Variants in LRIF1 observed in about 807,000 individuals in gnomAD.
LRIF1 encodes the protein ligand-dependent nuclear receptor-interacting factor 1.
A neutral mutation model predicts 52.7 loss-of-function variants in LRIF1; 32 were observed. The ratio of observed to expected loss-of-function variants is 0.61; its 90% CI spans 0.46 to 0.82. The LOEUF is 0.82. Among genes scored for constraint, LRIF1 ranks in the 40% least tolerant of loss-of-function variants. The pLI is 0.00. For missense variants in LRIF1, 887 were observed against 892.0 expected (o/e 0.99, Z 0.07); for synonymous variants, 323 against 317.4 (o/e 1.02, Z -0.19).
the LRIF1 span, among the ~76,000 whole-genome samples, chr1:110,921,673 A>G: frequency 6.6e-6 from 1 of 152,224 alleles, no homozygotes; most frequent in Non-Finnish European, 1.5e-5. Flanking sequence ...TGACAGAACC[A>G]TAGAGAGAAA....
At chr1:110,953,164 G>C (rs1658554931) in intron 1 of LRIF1, among the ~76,000 whole-genome samples, 1 of 151,642 alleles carries the variant, frequency 6.6e-6, no homozygotes, top group Admixed American at 6.6e-5. Flanking sequence ...CCTTCCTCTT[G>C]TCCTCCTCCT....
chr1:110,935,098 A>G, the LRIF1 span, among the ~76,000 whole-genome samples: 1 of 152,248 alleles, frequency 6.6e-6, no homozygotes, highest in Non-Finnish European at 1.5e-5. Flanking sequence ...CAGTACCTCT[A>G]TGAGTCTGCA....
the LRIF1 span, chr1:110,897,843 C>T: frequency 6.2e-7 from 1 of 1,612,376 alleles, no homozygotes; most frequent in Non-Finnish European, 8.5e-7. Context: ...TGGTTTCATT[C>T]CAATTTCCTG....
At chr1:110,929,830 G>A in the LRIF1 span, among the ~76,000 whole-genome samples, 3 of 152,106 alleles carry the variant, frequency 2.0e-5, no homozygotes, top group African/African-American at 7.2e-5. Flanking sequence ...TGGAAACAAA[G>A]AGGAAACAAC....
At chr1:110,960,749 C>T (rs1212235904) in intron 1 of LRIF1, among the ~76,000 whole-genome samples, 4 of 152,132 alleles carry the variant, frequency 2.6e-5, no homozygotes, top group Admixed American at 2.0e-4. Context: ...TTAACGAAGT[C>T]GGTCTATTTT....
the LRIF1 span, among the ~76,000 whole-genome samples, chr1:110,897,281 G>A: frequency 6.6e-6 from 1 of 152,194 alleles, no homozygotes; most frequent in South Asian, 2.1e-4. Context: ...CAACTAGACC[G>A]AATCCCTGAG....
rs1431990160 is a variant in LRIF1, at chr1:110,959,756, AAAG to A, written c.68+3862_68+3864del. On this transcript the variant is annotated intron_variant, in intron 1 of 3. Coordinates refer to ENST00000369763, the MANE Select transcript of LRIF1 (RefSeq NM_018372.4). ...CATCTCAAAAAAAAAAAAAAAAAAA[AAAG>A]AATGAGAAATTTAATAAAAAGGCAC... is the stretch of plus-strand genomic sequence containing the variant. Among the ~76,000 whole-genome samples, 411 of 151,248 alleles carry A rather than the reference AAAG, an allele frequency of 2.7e-3. 6 individuals carry two copies. Among genetic ancestry groups the A allele is most frequent in the Admixed American group, 0.024 (352 of 14,934 alleles).
At chr1:110,894,013 C>T in the LRIF1 span, among the ~76,000 whole-genome samples, 62 of 152,294 alleles carry the variant, frequency 4.1e-4, no homozygotes, top group African/African-American at 1.5e-3. Flanking sequence ...TTTTGCTTAA[C>T]TGCTTCAATA....
the LRIF1 span, among the ~76,000 whole-genome samples, chr1:110,898,922 T>C: frequency 1.3e-5 from 2 of 152,182 alleles, no homozygotes; most frequent in Non-Finnish European, 2.9e-5. Context: ...GCCTGTTATC[T>C]TGTCATCATT....
the LRIF1 span, among the ~76,000 whole-genome samples, chr1:110,934,839 T>G: frequency 6.6e-6 from 1 of 152,122 alleles, no homozygotes; most frequent in Non-Finnish European, 1.5e-5. Flanking sequence ...CCCAGGGCCT[T>G]AAGTGAACAT....
chr1:110,894,865 C>T, the LRIF1 span: 1,395 of 896,536 alleles, frequency 1.6e-3, 13 homozygotes, highest in African/African-American at 0.02. Flanking sequence ...GGAAGGGAAG[C>T]GCAAGTGGAA....
chr1:110,954,993 T>G (rs977502297), intron 1 of LRIF1, among the ~76,000 whole-genome samples: 6 of 152,240 alleles, frequency 3.9e-5, no homozygotes, highest in Non-Finnish European at 5.9e-5. Context: ...AATTATCACT[T>G]ACGCATGAAC....
rs3790721 is a variant in LRIF1 at position 110,947,756 on chromosome 1, C to T, written c.*203G>A. 1.5e-4 allele frequency: 73 copies of T among 493,150 alleles called. No homozygotes were observed. In the East Asian group the frequency reaches 2.6e-3, roughly 17 times the overall value. The allele number at this position is 493,150 out of a possible 1,614,324, so 30.5% of individuals were successfully genotyped here. A position where few individuals can be genotyped will look rare whatever the true frequency, so the allele number is the denominator to read the frequency against. ...TCCTTCCAAAAAAAGGTATCTAAGACAAAGGTATAGATACCCCATGTAAAT... is the reference window on the plus strand; with the variant it reads ...TCCTTCCAAAAAAAGGTATCTAAGATAAAGGTATAGATACCCCATGTAAAT... On this transcript the variant is annotated 3_prime_UTR_variant, in exon 4 of 4. Coordinates refer to ENST00000369763, the MANE Select transcript of LRIF1 (RefSeq NM_018372.4).
At chr1:110,943,556 A>G (rs1658137386), downstream of LRIF1, 1 of 152,198 alleles carries the variant, frequency 6.6e-6, no homozygotes, top group Admixed American at 6.5e-5. Context: ...ATTTATAAAT[A>G]TAACTAATTT....
At chr1:110,940,695 G>A in the LRIF1 span, 10 of 152,278 alleles carry the variant, frequency 6.6e-5, no homozygotes, top group Admixed American at 2.6e-4. Flanking sequence ...GGATGGAACT[G>A]GAGGTTATTA....
At chr1:110,956,204 G>A (rs900907632) in intron 1 of LRIF1, among the ~76,000 whole-genome samples, 2 of 152,162 alleles carry the variant, frequency 1.3e-5, no homozygotes, top group African/African-American at 4.8e-5. Context: ...TATTAGAGTT[G>A]CCAGGATGTG....
intron 1 of LRIF1, among the ~76,000 whole-genome samples, chr1:110,961,827 T>C (rs1463005212): frequency 6.6e-6 from 1 of 152,106 alleles, no homozygotes; most frequent in Admixed American, 6.5e-5. Flanking sequence ...CAGAATGGAA[T>C]CAAATACGCA....
At chr1:110,909,109 C>T in the LRIF1 span, among the ~76,000 whole-genome samples, 56 of 152,234 alleles carry the variant, frequency 3.7e-4, no homozygotes, top group African/African-American at 1.3e-3. Flanking sequence ...TCAAGAACTT[C>T]GTATCTAGCC....
chr1:110,938,690 T>G, the LRIF1 span: 1 of 152,236 alleles, frequency 6.6e-6, no homozygotes, highest in Non-Finnish European at 1.5e-5. Context: ...TTCAGCATAG[T>G]ACTGGAAGTT....
Sources: allele counts gnomAD v4.1 joint callset (sites outside exome capture counted in the v4.1 genomes callset), GRCh38; gene constraint gnomAD v4.1.1; transcripts MANE v1.5; gene names NCBI Gene and HGNC (gene_info 2026-07-23, HGNC 2026-07-21).